The following FBXO30 variants were observed in gnomAD, a reference collection of about 807,000 sequenced individuals.
FBXO30 encodes the protein F-box protein 30.
A neutral mutation model predicts 58.1 loss-of-function variants in FBXO30; 21 were observed. That is an observed-to-expected ratio of 0.36 (90% CI 0.26 to 0.52). The LOEUF (loss-of-function observed/expected upper bound fraction) is 0.52. FBXO30 is among the 20% of genes least tolerant of loss of function. FBXO30 has a pLI of 0.93. For missense variants in FBXO30, 744 were observed against 897.3 expected (o/e 0.83, Z 2.18); for synonymous variants, 309 against 312.4 (o/e 0.99, Z 0.11).
At chr6:145,804,231 T>C (rs1778093210) in intron 2 of FBXO30, 141 bp downstream of exon 2, 2 of 695,944 alleles carry the variant, frequency 2.9e-6, no homozygotes, top group Non-Finnish European at 4.6e-6. Context: ...TAATTACCAT[T>C]AAGAAAAAGT....
At chr6:145,801,130 T>C (rs1777984337) in intron 2 of FBXO30, among the ~76,000 whole-genome samples, 1 of 152,008 alleles carries the variant, frequency 6.6e-6, no homozygotes, top group Non-Finnish European at 1.5e-5. Flanking sequence ...TAAAGCTACC[T>C]GAACATAAGT....
At position 145,794,366 on chromosome 6, in the gene FBXO30, A is replaced by G. The variant is rs1777829350; in HGVS notation, c.*5740T>C. 6.6e-6 allele frequency: 1 copy of G among 151,972 alleles called. No homozygotes were observed. Among genetic ancestry groups the G allele is most frequent in the Admixed American group, 6.6e-5 (1 of 15,250 alleles). The allele number at this position is 151,972 out of a possible 1,614,324, so 9.4% of individuals were successfully genotyped here. On this transcript the variant is annotated 3_prime_UTR_variant, in exon 3 of 3. Coordinates refer to ENST00000237281, the MANE Select transcript of FBXO30 (RefSeq NM_032145.5). ...GCCAATCGGCGCAATGACCTTTCAGAATGCAGTTAAAGTTTTCAATACTGA... is the reference window on the plus strand; with the variant it reads ...GCCAATCGGCGCAATGACCTTTCAGGATGCAGTTAAAGTTTTCAATACTGA...
intron 2 of FBXO30, among the ~76,000 whole-genome samples, chr6:145,802,532 TAGG>T (rs1778034273): frequency 6.6e-6 from 1 of 152,054 alleles, no homozygotes; most frequent in Non-Finnish European, 1.5e-5. Flanking sequence ...TATAAAATGA[TAGG>T]AGGAAAGTGA....
chr6:145,806,484 T>C, intron 1 of FBXO30, 63 bp from the exon 2 acceptor site: 1 of 1,250,488 alleles, frequency 8.0e-7, no homozygotes, highest in Non-Finnish European at 1.1e-6. Context: ...TTCAAAATTG[T>C]TTAATAATTA....
intron 1 of FBXO30, among the ~76,000 whole-genome samples, chr6:145,814,232 G>C (rs1468098412): frequency 6.6e-6 from 1 of 152,164 alleles, no homozygotes; most frequent in African/African-American, 2.4e-5. Flanking sequence ...GAGAAGCTTA[G>C]GGTTCCCTAA....
chr6:145,801,583 G>A (rs550201026), intron 2 of FBXO30, among the ~76,000 whole-genome samples: 2 of 152,174 alleles, frequency 1.3e-5, no homozygotes, highest in South Asian at 4.1e-4. Flanking sequence ...TGCTTCTCAG[G>A]AAAGCATGGT....
chr6:145,813,246 A>G (rs1444267185), intron 1 of FBXO30, among the ~76,000 whole-genome samples: 1 of 152,088 alleles, frequency 6.6e-6, no homozygotes, highest in Non-Finnish European at 1.5e-5. Context: ...TACACTTGGT[A>G]TACATTAAAG....
In FBXO30 at chr6:145,805,215, C is replaced by T; in HGVS notation, c.1191G>A (p.Trp397Ter). Residue 397 changes from tryptophan to a stop codon, truncating the protein, a stop_gained, in exon 2 of 3, where the codon TGG becomes TGA. Transcript: ENST00000237281. LOFTEE classifies it high-confidence loss of function. ...CTGCTTTATCTTCCTTTGGTTTAGA[C>T]CAACATGAATTAGAAAGAAAATTGA... ...PSFNFLSNSCWSKPKEDKAVD... is the reference protein window; with the variant it reads ...PSFNFLSNSC 1 of 1,613,974 alleles carries T rather than the reference C, an allele frequency of 6.2e-7. No homozygotes were observed. The highest frequency in any genetic ancestry group is 1.6e-4 in the Middle Eastern group (1 of 6,062).
chr6:145,801,405 G>GT (rs1484153574), intron 2 of FBXO30, among the ~76,000 whole-genome samples: 1 of 151,886 alleles, frequency 6.6e-6, no homozygotes, highest in Non-Finnish European at 1.5e-5. Context: ...GTGTGTGTGT[G>GT]TATGTGTGCG....
chr6:145,810,816 G>C (rs972437717), intron 1 of FBXO30, among the ~76,000 whole-genome samples: 5 of 152,130 alleles, frequency 3.3e-5, no homozygotes, highest in African/African-American at 1.2e-4. Flanking sequence ...GTCATCTAAT[G>C]TATTCAAAAT....
In FBXO30 at chr6:145,797,395, C is replaced by T. The variant is rs1007260270; in HGVS notation, c.*2711G>A. The T allele has an allele frequency of 1.3e-5, 2 of 152,012 alleles. No individual in the cohort carries two copies. Among genetic ancestry groups the T allele is most frequent in the Admixed American group, 6.6e-5 (1 of 15,230 alleles). The allele number at this position is 152,012 out of a possible 1,614,324, so 9.4% of individuals were successfully genotyped here. On this transcript the variant is annotated 3_prime_UTR_variant, in exon 3 of 3. Coordinates refer to ENST00000237281, the MANE Select transcript of FBXO30 (RefSeq NM_032145.5). Reference sequence around the variant, plus strand: ...TTATACAAACACACACAGGTACACACATATATCCACTCCAGTAATGCACCA... The same window carrying T: ...TTATACAAACACACACAGGTACACATATATATCCACTCCAGTAATGCACCA...
At chr6:145,812,654 A>G (rs896355181) in intron 1 of FBXO30, among the ~76,000 whole-genome samples, 13 of 152,164 alleles carry the variant, frequency 8.5e-5, no homozygotes, top group African/African-American at 3.1e-4. Flanking sequence ...ATATACACAA[A>G]AATTTTACGT....
In FBXO30 at chr6:145,795,141, T is replaced by A. The variant is rs1193026377; in HGVS notation, c.*4965A>T. 6.6e-6 allele frequency: 1 copy of A among 151,790 alleles called. No homozygotes were observed. The highest frequency in any genetic ancestry group is 1.5e-5 in the Non-Finnish European group (1 of 67,818). The allele number at this position is 151,790 out of a possible 1,614,324, so 9.4% of individuals were successfully genotyped here. ...AAGCTGTCTAACTCTAGTCAGTCTC[T>A]CTGTCAAAGAATAAACAAATAGATC... On this transcript the variant is annotated 3_prime_UTR_variant, in exon 3 of 3. Coordinates refer to ENST00000237281, the MANE Select transcript of FBXO30 (RefSeq NM_032145.5).
In FBXO30 at chr6:145,794,907, T is replaced by C. The variant is rs893109260; in HGVS notation, c.*5199A>G. The C allele has an allele frequency of 4.6e-5, 7 of 151,880 alleles. No individual in the cohort carries two copies. The highest frequency in any genetic ancestry group is 4.6e-4 in the Admixed American group (7 of 15,226). 9.4% of individuals were successfully genotyped at this position (151,880 alleles called of 1,614,324 possible). ...CAGGGTCACCTCACCAGAAAATTAA[T>C]GTCATGGGATAAAGAAGCAATAATG... On this transcript the variant is annotated 3_prime_UTR_variant, in exon 3 of 3. Coordinates refer to ENST00000237281, the MANE Select transcript of FBXO30 (RefSeq NM_032145.5).
In FBXO30 at chr6:145,793,921, A is replaced by T. The variant is rs915631854; in HGVS notation, c.*6185T>A. 1 of 152,082 alleles carries T rather than the reference A, an allele frequency of 6.6e-6. No homozygotes were observed. The highest frequency in any genetic ancestry group is 1.5e-5 in the Non-Finnish European group (1 of 67,922). The allele number at this position is 152,082 out of a possible 1,614,324, so 9.4% of individuals were successfully genotyped here. ...TGGGCATTTCACAAACGTTGAGAACACTAGTTTTTGGCTTTGGTAATGATT... is the reference window on the plus strand; with the variant it reads ...TGGGCATTTCACAAACGTTGAGAACTCTAGTTTTTGGCTTTGGTAATGATT... On this transcript the variant is annotated 3_prime_UTR_variant, in exon 3 of 3. Transcript: ENST00000237281.
In FBXO30 at chr6:145,814,773, A is replaced by T. The variant is rs1427252511; in HGVS notation, c.-187T>A. The T allele has an allele frequency of 6.6e-6, 1 of 152,462 alleles. No individual in the cohort carries two copies. The highest frequency in any genetic ancestry group is 1.9e-4 in the East Asian group (1 of 5,164). The allele number at this position is 152,462 out of a possible 1,614,324, so 9.4% of individuals were successfully genotyped here. A position where few individuals can be genotyped will look rare whatever the true frequency, so the allele number is the denominator to read the frequency against. ...CTTTTCTCTTCTCCCGGCCTGCTCC[A>T]GAGGCAGCCACCCTCCTCGCGCGCC... On this transcript the variant is annotated 5_prime_UTR_variant, in exon 1 of 3. Coordinates refer to ENST00000237281, the MANE Select transcript of FBXO30 (RefSeq NM_032145.5).
Position 145,798,077 on chromosome 6 carries a change from A to G in FBXO30, c.*2029T>C, listed in dbSNP as rs1159797385. On this transcript the variant is annotated 3_prime_UTR_variant, in exon 3 of 3. Coordinates refer to ENST00000237281, the MANE Select transcript of FBXO30 (RefSeq NM_032145.5). ...CATGGGTGAGTAATGATGATAATCA[A>G]CAACTACCATAACATGCAGAAAATC... The G allele has an allele frequency of 1.3e-5, 2 of 152,112 alleles. No individual in the cohort carries two copies. The highest frequency in any genetic ancestry group is 2.4e-5 in the African/African-American group (1 of 41,454). The allele number at this position is 152,112 out of a possible 1,614,324, so 9.4% of individuals were successfully genotyped here.
rs1777923677 is a variant in FBXO30 at position 145,799,117 on chromosome 6, T to C, written c.*989A>G. ...TTAACTCGGAAATGTTTCAAAGAGATTGTCAACCAAGACAGGTTTCTACAT... is the reference window on the plus strand; with the variant it reads ...TTAACTCGGAAATGTTTCAAAGAGACTGTCAACCAAGACAGGTTTCTACAT... On this transcript the variant is annotated 3_prime_UTR_variant, in exon 3 of 3. Coordinates refer to ENST00000237281, the MANE Select transcript of FBXO30 (RefSeq NM_032145.5). 6.6e-6 allele frequency: 1 copy of C among 151,956 alleles called. No homozygotes were observed. The highest frequency in any genetic ancestry group is 1.5e-5 in the Non-Finnish European group (1 of 67,922). The allele number at this position is 151,956 out of a possible 1,614,324, so 9.4% of individuals were successfully genotyped here. A position where few individuals can be genotyped will look rare whatever the true frequency, so the allele number is the denominator to read the frequency against.
chr6:145,794,235 T>A lies in FBXO30; in HGVS notation c.*5871A>T, dbSNP rs1174159355. ...TGTAGCCTTTTGTGTCTAGCTTCAT[T>A]CACTTAGGTTTTTTATCCTCCAAAG... On this transcript the variant is annotated 3_prime_UTR_variant, in exon 3 of 3. Coordinates refer to ENST00000237281, the MANE Select transcript of FBXO30 (RefSeq NM_032145.5). 1 of 151,980 alleles carries A rather than the reference T, an allele frequency of 6.6e-6. No homozygotes were observed. The highest frequency in any genetic ancestry group is 2.4e-5 in the African/African-American group (1 of 41,438). The allele number at this position is 151,980 out of a possible 1,614,324, so 9.4% of individuals were successfully genotyped here.
Sources: gnomAD v4.1 joint callset for allele counts (sites outside exome capture counted in the v4.1 genomes callset) on GRCh38, gnomAD v4.1.1 for gene constraint, MANE v1.5 for transcripts, NCBI Gene and HGNC (gene_info 2026-07-23, HGNC 2026-07-21) for gene names.